LSAMP: variants seen among roughly 807,000 people sequenced by gnomAD.
The protein encoded by LSAMP is limbic system associated membrane protein, also known as limbic system-associated membrane protein.
Under a neutral mutation model 38.6 loss-of-function variants are expected in LSAMP, and 7 were observed. The observed-to-expected ratio is 0.18, with a 90% CI of 0.10 to 0.34. The LOEUF (loss-of-function observed/expected upper bound fraction) is 0.34. Ranked by LOEUF, LSAMP falls within the 10% of genes least tolerant of loss-of-function variation. LSAMP has a pLI of 1.00. For missense variants in LSAMP, 313 were observed against 420.0 expected, an observed-to-expected ratio of 0.75 and a Z score of 2.23; for synonymous variants, 154 against 166.8, an observed-to-expected ratio of 0.92 and a Z score of 0.59.
intron 1 of LSAMP, among the ~76,000 whole-genome samples, chr3:116,276,733 A>AAGAT (rs1184513850): frequency 1.3e-5 from 2 of 152,168 alleles, no homozygotes; most frequent in Non-Finnish European, 2.9e-5. Context: ...TTGAAGCTAA[A>AAGAT]AGATTGAAGT....
intron 1 of LSAMP, among the ~76,000 whole-genome samples, chr3:116,434,218 AT>A (rs2049317464): frequency 6.6e-6 from 1 of 152,100 alleles, no homozygotes; most frequent in Non-Finnish European, 1.5e-5. Context: ...TCTTTTATAA[AT>A]CAACTTTAGT....
At position 116,140,789 on chromosome 3, in the gene LSAMP, G is replaced by T. The variant is rs528434727; in HGVS notation, c.156-54233C>A. ...TGATACAGATAAAATGAGTATCTGAGATTCATTTTCTGAAATGGTCACAAT... is the reference window on the plus strand; with the variant it reads ...TGATACAGATAAAATGAGTATCTGATATTCATTTTCTGAAATGGTCACAAT... On this transcript the variant is annotated intron_variant, in intron 1 of 6. Coordinates refer to ENST00000490035, the MANE Select transcript of LSAMP (RefSeq NM_002338.5). 5.9e-5 allele frequency among the ~76,000 whole-genome samples: 9 copies of T among 151,976 alleles called. No homozygotes were observed. The South Asian group carries it at 1.9e-3, about 32-fold the overall frequency.
intron 1 of LSAMP, among the ~76,000 whole-genome samples, chr3:116,188,468 C>A (rs769269261): frequency 6.6e-6 from 1 of 152,138 alleles, no homozygotes; most frequent in Non-Finnish European, 1.5e-5. Flanking sequence ...GGCCTAAAAT[C>A]CCAGGGACTT....
chr3:116,173,932 C>G (rs930529814), intron 1 of LSAMP, among the ~76,000 whole-genome samples: 7 of 151,840 alleles, frequency 4.6e-5, no homozygotes, highest in African/African-American at 1.7e-4. Context: ...GAAAAAGTAT[C>G]CAGCACTTTG....
chr3:116,234,064 G>A (rs541735640), intron 1 of LSAMP, among the ~76,000 whole-genome samples: 3 of 152,314 alleles, frequency 2.0e-5, no homozygotes, highest in Admixed American at 6.5e-5. Context: ...TTTTTAAGAC[G>A]TGGCTTTCAG....
intron 4 of LSAMP, among the ~76,000 whole-genome samples, chr3:115,845,759 CCTTA>C (rs1935139189): frequency 6.6e-6 from 1 of 152,172 alleles, no homozygotes; most frequent in South Asian, 2.1e-4. Context: ...CCACTCTTTT[CCTTA>C]CTTCTCAATT....
chr3:116,415,732 C>A (rs2049041154), intron 1 of LSAMP, among the ~76,000 whole-genome samples: 1 of 151,984 alleles, frequency 6.6e-6, no homozygotes, highest in South Asian at 2.1e-4. Context: ...AGTGTTTTAC[C>A]CTTCATGCTG....
chr3:116,407,634 G>C (rs2048913942), intron 1 of LSAMP, among the ~76,000 whole-genome samples: 1 of 152,018 alleles, frequency 6.6e-6, no homozygotes, highest in African/African-American at 2.4e-5. Flanking sequence ...TTAAGAAATT[G>C]TTGGTTATTG....
intron 1 of LSAMP, among the ~76,000 whole-genome samples, chr3:116,256,074 C>T (rs1436091612): frequency 6.6e-6 from 1 of 152,118 alleles, no homozygotes; most frequent in Non-Finnish European, 1.5e-5. Context: ...TAAACGCTTC[C>T]ATTGAGCGGT....
chr3:116,046,711 A>G lies in LSAMP; in HGVS notation c.389-27071T>C, dbSNP rs377306569. Among the ~76,000 whole-genome samples, 17 of 152,364 alleles carry G rather than the reference A, an allele frequency of 1.1e-4. No homozygotes were observed. The East Asian group carries it at 1.3e-3, about 12-fold the overall frequency. On this transcript the variant is annotated intron_variant, in intron 2 of 6. Transcript: ENST00000490035. ...TGCTAGGGAGCCTTGGCAGTTGTGCATAATAGTCTGATCCTTTCTTGCATT... is the reference window on the plus strand; with the variant it reads ...TGCTAGGGAGCCTTGGCAGTTGTGCGTAATAGTCTGATCCTTTCTTGCATT...
chr3:116,166,211 C>T (rs1040836387), intron 1 of LSAMP, among the ~76,000 whole-genome samples: 1 of 152,118 alleles, frequency 6.6e-6, no homozygotes, highest in Non-Finnish European at 1.5e-5. Context: ...GGAACAATAC[C>T]CCAATTTATC....
At chr3:116,389,218 A>G (rs1227489528) in intron 1 of LSAMP, among the ~76,000 whole-genome samples, 1 of 152,170 alleles carries the variant, frequency 6.6e-6, no homozygotes, top group East Asian at 1.9e-4. Context: ...TAGAGGAAAA[A>G]ATGCAAACAC....
chr3:115,985,398 T>C (rs1484437007), intron 3 of LSAMP, among the ~76,000 whole-genome samples: 1 of 152,140 alleles, frequency 6.6e-6, no homozygotes, highest in African/African-American at 2.4e-5. Flanking sequence ...TATTAACTTG[T>C]GAGTTAGGCT....
At chr3:116,238,797 T>C (rs2046496277) in intron 1 of LSAMP, among the ~76,000 whole-genome samples, 1 of 152,180 alleles carries the variant, frequency 6.6e-6, no homozygotes, top group Non-Finnish European at 1.5e-5. Context: ...ATTGGTATTT[T>C]CTGTCTTCAG....
At chr3:115,834,573 T>TG in intron 6 of LSAMP, 1 of 1,275,752 alleles carries the variant, frequency 7.8e-7, no homozygotes, top group Non-Finnish European at 1.0e-6. Context: ...TTGAATGGGG[T>TG]GGGGGATTGT....
intron 3 of LSAMP, among the ~76,000 whole-genome samples, chr3:115,952,660 C>T (rs1490415254): frequency 1.3e-5 from 2 of 152,142 alleles, no homozygotes; most frequent in African/African-American, 4.8e-5. Context: ...TCAGAAATCA[C>T]TACTGAAGAA....
In LSAMP at chr3:116,258,697, A is replaced by G. The variant is rs1412371486; in HGVS notation, c.156-172141T>C. Among the ~76,000 whole-genome samples, 3 of 152,242 alleles carry G rather than the reference A, an allele frequency of 2.0e-5. No homozygotes were observed. In the East Asian group the frequency reaches 5.8e-4, roughly 29 times the overall value. On this transcript the variant is annotated intron_variant, in intron 1 of 6. Transcript: ENST00000490035. Reference sequence around the variant, plus strand: ...GGCCAATAGGAAAATTATTTTTAAAATCATGTGTTTGCCCTGCTTCCTGAA... The same window carrying G: ...GGCCAATAGGAAAATTATTTTTAAAGTCATGTGTTTGCCCTGCTTCCTGAA...
At chr3:116,266,268 A>C (rs769129421) in intron 1 of LSAMP, among the ~76,000 whole-genome samples, 12 of 152,194 alleles carry the variant, frequency 7.9e-5, no homozygotes, top group Non-Finnish European at 1.5e-4. Context: ...GAGCTATTAG[A>C]GATCTAGCAT....
chr3:116,282,106 C>T (rs990222993), intron 1 of LSAMP, among the ~76,000 whole-genome samples: 1 of 152,146 alleles, frequency 6.6e-6, no homozygotes, highest in Non-Finnish European at 1.5e-5. Context: ...TTTTGGTAAA[C>T]TTCCATGCTC....
Sources: gnomAD v4.1 joint callset for allele counts (sites outside exome capture counted in the v4.1 genomes callset) on GRCh38, gnomAD v4.1.1 for gene constraint, MANE v1.5 for transcripts, NCBI Gene and HGNC (gene_info 2026-07-23, HGNC 2026-07-21) for gene names.